NEK7: variants seen among roughly 807,000 people sequenced by gnomAD.
NEK7 encodes serine/threonine-protein kinase Nek7.
Under a neutral mutation model 44.6 loss-of-function variants are expected in NEK7, and 18 were observed. The ratio of observed to expected loss-of-function variants is 0.40; its 90% CI spans 0.28 to 0.60. The LOEUF (loss-of-function observed/expected upper bound fraction) is 0.60. Among genes scored for constraint, NEK7 ranks in the 20% least tolerant of loss-of-function variants. The pLI, the probability that NEK7 is intolerant of heterozygous loss-of-function variation, is 0.38. For synonymous variants in NEK7, 130 were observed against 121.1 expected, an observed-to-expected ratio of 1.07 and a Z score of -0.48; for missense variants, 256 against 366.5, an observed-to-expected ratio of 0.70 and a Z score of 2.46.
chr1:198,248,797 C>T (rs913784558), intron 2 of NEK7, among the ~76,000 whole-genome samples: 2 of 151,920 alleles, frequency 1.3e-5, no homozygotes, highest in African/African-American at 4.8e-5. Flanking sequence ...TTGGGTGGGA[C>T]AAGTTTATAT....
chr1:198,200,429 C>G (rs961723169), intron 1 of NEK7, among the ~76,000 whole-genome samples: 19 of 151,958 alleles, frequency 1.3e-4, no homozygotes, highest in African/African-American at 3.9e-4. Context: ...AGAGATGATT[C>G]AATATTTTTT....
At chr1:198,264,843 C>T (rs921907191) in intron 5 of NEK7, among the ~76,000 whole-genome samples, 8 of 151,980 alleles carry the variant, frequency 5.3e-5, no homozygotes, top group African/African-American at 1.9e-4. Context: ...GGGCCAGTTA[C>T]TTCTCTGTGT....
intron 1 of NEK7, among the ~76,000 whole-genome samples, chr1:198,210,741 C>CT (rs140181207): frequency 0.046 from 2,636 of 57,512 alleles, 826 homozygotes; most frequent in East Asian, 0.071. Context: ...ATTTGTATTT[C>CT]TTTTTTTTTT....
At chr1:198,256,023 T>C (rs778522571) in intron 3 of NEK7, among the ~76,000 whole-genome samples, 2 of 152,090 alleles carry the variant, frequency 1.3e-5, no homozygotes, top group African/African-American at 4.8e-5. Context: ...CCTAACTCTT[T>C]AAAAAAACCC....
At chr1:198,191,536 G>A (rs942029588) in intron 1 of NEK7, among the ~76,000 whole-genome samples, 2 of 151,704 alleles carry the variant, frequency 1.3e-5, no homozygotes, top group Admixed American at 6.6e-5. Context: ...ATTCTAAGTT[G>A]TATGCATTGT....
chr1:198,298,441 C>T (rs1184977820), intron 9 of NEK7, among the ~76,000 whole-genome samples: 2 of 152,020 alleles, frequency 1.3e-5, no homozygotes, highest in African/African-American at 4.8e-5. Flanking sequence ...TTTTTTTCTG[C>T]ATAGCATTTG....
intron 2 of NEK7, among the ~76,000 whole-genome samples, chr1:198,252,651 T>C (rs952242817): frequency 2.8e-5 from 4 of 141,780 alleles, no homozygotes; most frequent in Non-Finnish European, 6.0e-5. Flanking sequence ...TTAAAACATA[T>C]ATGTATGTTT....
At chr1:198,215,395 C>T (rs73076996) in intron 1 of NEK7, among the ~76,000 whole-genome samples, 3,549 of 152,298 alleles carry the variant, frequency 0.023, 60 homozygotes, top group African/African-American at 0.048. Context: ...ACATCCCATG[C>T]ACTACATGTT....
intron 1 of NEK7, among the ~76,000 whole-genome samples, chr1:198,211,738 G>A (rs1379878412): frequency 6.6e-6 from 1 of 152,116 alleles, no homozygotes; most frequent in Non-Finnish European, 1.5e-5. Context: ...ATGGCGGACT[G>A]GAGGCATCGT....
intron 9 of NEK7, among the ~76,000 whole-genome samples, chr1:198,299,627 T>C (rs1267247105): frequency 3.3e-5 from 5 of 152,102 alleles, no homozygotes; most frequent in Non-Finnish European, 7.4e-5. Flanking sequence ...ATAAAAAAAT[T>C]TAAGCAAATC....
At chr1:198,240,921 C>A (rs879274920) in intron 2 of NEK7, among the ~76,000 whole-genome samples, 4 of 152,198 alleles carry the variant, frequency 2.6e-5, no homozygotes, top group Non-Finnish European at 5.9e-5. Flanking sequence ...TCTTGAACTC[C>A]TAACCTTGTG....
intron 9 of NEK7, among the ~76,000 whole-genome samples, chr1:198,300,617 C>A (rs1354915992): frequency 6.6e-6 from 1 of 152,238 alleles, no homozygotes; most frequent in Non-Finnish European, 1.5e-5. Context: ...CCTCCCCCTG[C>A]AGACTGTCAA....
chr1:198,317,805 C>A (rs1655412085), intron 9 of NEK7, among the ~76,000 whole-genome samples: 1 of 146,960 alleles, frequency 6.8e-6, no homozygotes, highest in Non-Finnish European at 1.5e-5. Context: ...AACACATTAT[C>A]TTTTAAATTA....
chr1:198,182,976 C>G (rs1247533541), intron 1 of NEK7, among the ~76,000 whole-genome samples: 1 of 152,124 alleles, frequency 6.6e-6, no homozygotes, highest in Admixed American at 6.6e-5. Flanking sequence ...TGAATGAGAA[C>G]TCATGGAAGC....
At chr1:198,268,194 C>T (rs1558087166) in intron 5 of NEK7, among the ~76,000 whole-genome samples, 1 of 151,606 alleles carries the variant, frequency 6.6e-6, no homozygotes, top group Non-Finnish European at 1.5e-5. Flanking sequence ...TTCATACCTA[C>T]GGATTCAATT....
At chr1:198,273,310 A>C (rs1653913137) in intron 5 of NEK7, among the ~76,000 whole-genome samples, 1 of 151,840 alleles carries the variant, frequency 6.6e-6, no homozygotes, top group African/African-American at 2.4e-5. Flanking sequence ...ACTGTAAATT[A>C]GTGTTACATA....
intron 3 of NEK7, chr1:198,256,316 A>G: frequency 6.3e-7 from 1 of 1,597,632 alleles, no homozygotes; most frequent in Non-Finnish European, 8.5e-7. Flanking sequence ...AGCTCTGGCC[A>G]TTTTCCTGCA....
intron 1 of NEK7, among the ~76,000 whole-genome samples, chr1:198,175,625 T>A (rs897827263): frequency 1.3e-5 from 2 of 152,222 alleles, no homozygotes; most frequent in Admixed American, 6.5e-5. Context: ...AGCATGTGCT[T>A]TTGCCAGACT....
intron 7 of NEK7, among the ~76,000 whole-genome samples, chr1:198,280,168 G>A (rs752646722): frequency 6.6e-6 from 1 of 151,974 alleles, no homozygotes; most frequent in African/African-American, 2.4e-5. Flanking sequence ...GGATAAGTTT[G>A]CCCAGCACTT....
Sources: gnomAD v4.1 joint callset for allele counts (sites outside exome capture counted in the v4.1 genomes callset) on GRCh38, gnomAD v4.1.1 for gene constraint, MANE v1.5 for transcripts, NCBI Gene and HGNC (gene_info 2026-07-23, HGNC 2026-07-21) for gene names.